Variants in COL25A1 observed in about 807,000 individuals in gnomAD.
The protein encoded by COL25A1 is collagen type XXV alpha 1 chain.
A neutral mutation model predicts 128.4 loss-of-function variants in COL25A1; 103 were observed. That is an observed-to-expected ratio of 0.80 (90% CI 0.68 to 0.94). The LOEUF (loss-of-function observed/expected upper bound fraction) is 0.94, where lower values mean the gene tolerates loss of function less well. COL25A1 is among the 40% of genes least tolerant of loss of function. The probability of loss-of-function intolerance (pLI) is 0.00; values close to 1 mark genes in which losing one functional copy is unlikely to be tolerated. For missense variants in COL25A1, 745 were observed against 840.0 expected, an observed-to-expected ratio of 0.89 and a Z score of 1.40; for synonymous variants, 279 against 277.2, an observed-to-expected ratio of 1.01 and a Z score of -0.06.
intron 33 of COL25A1, 28 bp from the exon 34 acceptor site, chr4:108,825,250 A>G: frequency 6.2e-7 from 1 of 1,601,370 alleles, no homozygotes; most frequent in East Asian, 2.2e-5. Context: ...TAGCTACATT[A>G]GTGTTTCTAA....
At chr4:109,027,940 T>C (rs868662042) in intron 5 of COL25A1, among the ~76,000 whole-genome samples, 83 of 152,230 alleles carry the variant, frequency 5.5e-4, no homozygotes, top group African/African-American at 1.9e-3. Flanking sequence ...GTTGAATAGA[T>C]AGTTGGATAT....
intron 3 of COL25A1, among the ~76,000 whole-genome samples, chr4:109,257,671 A>G (rs149172727): frequency 6.6e-6 from 1 of 152,306 alleles, no homozygotes; most frequent in African/African-American, 2.4e-5. Flanking sequence ...TCCACAAGTA[A>G]GCATGCTGTA....
intron 8 of COL25A1, among the ~76,000 whole-genome samples, chr4:108,944,501 G>A (rs1748502397): frequency 6.6e-6 from 1 of 152,124 alleles, no homozygotes; most frequent in Non-Finnish European, 1.5e-5. Flanking sequence ...TCAGAATCTT[G>A]ATTAGTGGCG....
intron 3 of COL25A1, among the ~76,000 whole-genome samples, chr4:109,074,224 C>T (rs1380324877): frequency 2.6e-5 from 4 of 152,204 alleles, no homozygotes; most frequent in Admixed American, 2.0e-4. Flanking sequence ...CACTCACCCA[C>T]TGATTGCCTT....
intron 6 of COL25A1, among the ~76,000 whole-genome samples, chr4:109,001,089 AT>A (rs1340763021): frequency 6.6e-6 from 1 of 152,202 alleles, no homozygotes; most frequent in Non-Finnish European, 1.5e-5. Flanking sequence ...GAGGATTTGA[AT>A]GTCAAGCAAG....
intron 6 of COL25A1, among the ~76,000 whole-genome samples, chr4:108,985,655 T>C (rs986117129): frequency 6.6e-6 from 1 of 152,200 alleles, no homozygotes; most frequent in African/African-American, 2.4e-5. Flanking sequence ...TTATCTCTGG[T>C]GAAACTAAAA....
At chr4:109,041,250 A>AT (rs1377803141) in intron 5 of COL25A1, among the ~76,000 whole-genome samples, 3 of 152,098 alleles carry the variant, frequency 2.0e-5, no homozygotes, top group African/African-American at 7.2e-5. Context: ...ATACTGAAAG[A>AT]TAAAAAGTCC....
chr4:109,173,679 A>G (rs1773802147), intron 3 of COL25A1, among the ~76,000 whole-genome samples: 1 of 152,320 alleles, frequency 6.6e-6, no homozygotes, highest in East Asian at 1.9e-4. Flanking sequence ...TAAGAACTCA[A>G]TTTGTTATAT....
intron 3 of COL25A1, among the ~76,000 whole-genome samples, chr4:109,130,736 G>A (rs1368613058): frequency 6.6e-6 from 1 of 152,146 alleles, no homozygotes; most frequent in African/African-American, 2.4e-5. Flanking sequence ...TATCTGGCAA[G>A]AAAGAGGGAC....
chr4:109,137,984 ATGTG>A (rs10700157), intron 3 of COL25A1, among the ~76,000 whole-genome samples: 87 of 142,580 alleles, frequency 6.1e-4, no homozygotes, highest in Non-Finnish European at 9.5e-4. Context: ...TTATATATAT[ATGTG>A]TGTGTGTGTG....
In COL25A1 at chr4:109,048,154, G is replaced by A. The variant is rs778141849; in HGVS notation, c.420+14C>T. ...ATAAATGCAAACAAGCCAAAGTGCA[G>A]CAAACATACTTACAGGAGGACCTAT... On this transcript the variant is annotated intron_variant, in intron 5 of 37. Coordinates refer to ENST00000399132, the MANE Select transcript of COL25A1 (RefSeq NM_198721.4). The A allele has an allele frequency of 3.7e-6, 6 of 1,612,678 alleles. No individual in the cohort carries two copies. The highest frequency in any genetic ancestry group is 1.7e-4 in the Middle Eastern group (1 of 6,058).
chr4:108,899,282 G>T, intron 14 of COL25A1, 102 bp from the exon 15 acceptor site: 1 of 1,055,954 alleles, frequency 9.5e-7, no homozygotes, highest in Non-Finnish European at 1.4e-6. Flanking sequence ...GGTAAATTAT[G>T]CATGACATTT....
At chr4:109,260,453 T>C (rs1310448879) in intron 3 of COL25A1, among the ~76,000 whole-genome samples, 2 of 152,166 alleles carry the variant, frequency 1.3e-5, no homozygotes, top group African/African-American at 2.4e-5. Flanking sequence ...AGTCTTGTCT[T>C]GAAAGTATAC....
In COL25A1 at chr4:108,813,912, G is replaced by GA. The variant is rs1731008769; in HGVS notation, c.*14dup. 9 of 1,589,384 alleles carry GA rather than the reference G, an allele frequency of 5.7e-6. No individual in the cohort carries two copies. Among genetic ancestry groups the GA allele is most frequent in the Non-Finnish European group, 7.8e-6 (9 of 1,159,840 alleles). ...CCCTTATATACACAACTTCATGCTT[G>GA]AAAGGTTAGATTCATCACTGCAGAA... On this transcript the variant is annotated 3_prime_UTR_variant, in exon 38 of 38. Transcript: ENST00000399132.
chr4:109,022,832 G>T (rs1757896063), intron 5 of COL25A1, among the ~76,000 whole-genome samples: 1 of 152,118 alleles, frequency 6.6e-6, no homozygotes, highest in African/African-American at 2.4e-5. Context: ...GGCATTCAAA[G>T]GCTGTGTAAC....
intron 6 of COL25A1, among the ~76,000 whole-genome samples, chr4:109,000,355 T>C (rs975284368): frequency 5.9e-5 from 9 of 152,186 alleles, no homozygotes; most frequent in African/African-American, 2.2e-4. Context: ...TTGAGTAACT[T>C]GCCAAAGATA....
At chr4:108,957,982 G>C (rs148738447) in intron 8 of COL25A1, among the ~76,000 whole-genome samples, 89 of 152,104 alleles carry the variant, frequency 5.9e-4, no homozygotes, top group African/African-American at 2.0e-3. Context: ...AAAAAATTCA[G>C]ATGCATTCAA....
intron 3 of COL25A1, among the ~76,000 whole-genome samples, chr4:109,076,323 A>G (rs1308281084): frequency 6.6e-6 from 1 of 152,102 alleles, no homozygotes; most frequent in East Asian, 1.9e-4. Context: ...AGTAAAATTA[A>G]CTCTCTCTTT....
chr4:108,930,888 A>G (rs1746657463), intron 11 of COL25A1, among the ~76,000 whole-genome samples: 1 of 152,346 alleles, frequency 6.6e-6, no homozygotes, highest in East Asian at 1.9e-4. Context: ...AAACTTGTAC[A>G]TTTGCCCTAA....
Sources: allele counts gnomAD v4.1 joint callset (sites outside exome capture counted in the v4.1 genomes callset), GRCh38; gene constraint gnomAD v4.1.1; transcripts MANE v1.5; gene names NCBI Gene and HGNC (gene_info 2026-07-23, HGNC 2026-07-21).